USP14: variants seen among roughly 807,000 people sequenced by gnomAD.
USP14 encodes ubiquitin specific peptidase 14.
Under a neutral mutation model 76.5 loss-of-function variants are expected in USP14, and 38 were observed. The observed-to-expected ratio is 0.50, with a 90% CI of 0.38 to 0.65. USP14 has a LOEUF of 0.65. USP14 is among the 30% of genes least tolerant of loss of function. USP14 has a pLI of 0.00. For synonymous variants in USP14, 192 were observed against 191.7 expected (o/e 1.00, Z -0.01); for missense variants, 467 against 586.5 (o/e 0.80, Z 2.10).
At chr18:191,851 A>G (rs998401746) in intron 5 of USP14, among the ~76,000 whole-genome samples, 1 of 152,176 alleles carries the variant, frequency 6.6e-6, no homozygotes, top group Non-Finnish European at 1.5e-5. Context: ...ACATAGTTTA[A>G]TCATAGTGTA....
chr18:160,216 A>G (rs1043622410), intron 1 of USP14, among the ~76,000 whole-genome samples: 5 of 152,106 alleles, frequency 3.3e-5, no homozygotes, highest in Non-Finnish European at 7.4e-5. Context: ...AGGCAGGAGA[A>G]TCGCTTGAAC....
intron 1 of USP14, 139 bp downstream of exon 1, chr18:158,853 G>A: frequency 8.1e-7 from 1 of 1,231,472 alleles, no homozygotes; most frequent in Non-Finnish European, 1.0e-6. Flanking sequence ...GCGCGGAGAT[G>A]ACCCAGGCAC....
At chr18:159,510 T>C (rs1211520185) in intron 1 of USP14, among the ~76,000 whole-genome samples, 1 of 152,184 alleles carries the variant, frequency 6.6e-6, no homozygotes, top group Non-Finnish European at 1.5e-5. Flanking sequence ...GTGTCTCCAA[T>C]TGGCTGTAGG....
chr18:174,219 T>C (rs1909558500), intron 3 of USP14, among the ~76,000 whole-genome samples: 1 of 152,162 alleles, frequency 6.6e-6, no homozygotes, highest in Non-Finnish European at 1.5e-5. Context: ...ATGTTGGGAC[T>C]TACACATATT....
At chr18:171,056 A>ATATATATATATATATATATATAT (rs1568416863) in intron 3 of USP14, among the ~76,000 whole-genome samples, 4 of 139,324 alleles carry the variant, frequency 2.9e-5, no homozygotes, top group East Asian at 4.4e-4. Flanking sequence ...ATATATATAT[A>ATATATATATATATATATATATAT]AACTGAAGCT....
intron 6 of USP14, among the ~76,000 whole-genome samples, chr18:193,602 A>G (rs990162936): frequency 6.6e-6 from 1 of 152,082 alleles, no homozygotes; most frequent in Admixed American, 6.5e-5. Flanking sequence ...CTCCTTTCCC[A>G]TTTCTAGCCC....
chr18:176,947 T>C (rs114442885), intron 3 of USP14, among the ~76,000 whole-genome samples: 2,433 of 152,206 alleles, frequency 0.016, 76 homozygotes, highest in African/African-American at 0.056. Context: ...TTCTTAGCTA[T>C]TATCCTGGGT....
chr18:167,288 A>G (rs1408559832), intron 3 of USP14, among the ~76,000 whole-genome samples: 1 of 152,232 alleles, frequency 6.6e-6, no homozygotes, highest in African/African-American at 2.4e-5. Flanking sequence ...CTCCAAAAAA[A>G]GAGTCTTGAA....
rs1910752342 is a variant in USP14, at chr18:213,917, C to T, written c.*2633C>T. 1 of 152,090 alleles carries T rather than the reference C, an allele frequency of 6.6e-6. No individual in the cohort carries two copies. The highest frequency in any genetic ancestry group is 6.6e-5 in the Admixed American group (1 of 15,254). 9.4% of individuals were successfully genotyped at this position (152,090 alleles called of 1,614,324 possible). ...CTAGAAGGAAAAGTGAGGTTTTAGACTTCATTTCTTTTAAAGTTGGCAAAC... is the reference window on the plus strand; with the variant it reads ...CTAGAAGGAAAAGTGAGGTTTTAGATTTCATTTCTTTTAAAGTTGGCAAAC... On this transcript the variant is annotated 3_prime_UTR_variant, in exon 16 of 16. Coordinates refer to ENST00000261601, the MANE Select transcript of USP14 (RefSeq NM_005151.4).
At chr18:180,950 A>G (rs1394675717) in intron 5 of USP14, among the ~76,000 whole-genome samples, 1 of 150,526 alleles carries the variant, frequency 6.6e-6, no homozygotes, top group Non-Finnish European at 1.5e-5. Flanking sequence ...GTAACACCTC[A>G]TTCCTATTTT....
chr18:201,916 T>C (rs1254406223), intron 10 of USP14, among the ~76,000 whole-genome samples: 1 of 152,246 alleles, frequency 6.6e-6, no homozygotes, highest in Non-Finnish European at 1.5e-5. Flanking sequence ...TTCTGATAAT[T>C]CTTGAGTAAT....
At chr18:197,541 CAG>C (rs1249004308) in intron 7 of USP14, 73 bp from the exon 8 acceptor site, 1 of 1,162,412 alleles carries the variant, frequency 8.6e-7, no homozygotes, top group African/African-American at 1.5e-5. Flanking sequence ...GCCTAGGAGA[CAG>C]TGATTATTTT....
chr18:173,346 C>A (rs557869888), intron 3 of USP14, among the ~76,000 whole-genome samples: 1 of 151,740 alleles, frequency 6.6e-6, no homozygotes, highest in African/African-American at 2.4e-5. Context: ...CTCCTGACCT[C>A]GTGATCAGCC....
intron 5 of USP14, among the ~76,000 whole-genome samples, chr18:184,878 G>A (rs1205935522): frequency 6.6e-6 from 1 of 152,188 alleles, no homozygotes; most frequent in Non-Finnish European, 1.5e-5. Flanking sequence ...TAAGGATCAA[G>A]AACTATAGCC....
intron 5 of USP14, among the ~76,000 whole-genome samples, chr18:187,476 C>T (rs1356623862): frequency 6.6e-6 from 1 of 152,030 alleles, no homozygotes; most frequent in Admixed American, 6.6e-5. Context: ...GGAGTGTCAG[C>T]CTTTGGGATT....
chr18:202,997 C>T, intron 11 of USP14, 52 bp downstream of exon 11: 1 of 1,605,684 alleles, frequency 6.2e-7, no homozygotes, highest in Non-Finnish European at 8.5e-7. Context: ...GAAATATTTC[C>T]AGTTAATTAA....
At position 214,594 on chromosome 18, in the gene USP14, C is replaced by T; in HGVS notation, c.*3310C>T. 6.4e-7 allele frequency: 1 copy of T among 1,553,724 alleles called. No homozygotes were observed. The highest frequency in any genetic ancestry group is 8.7e-7 in the Non-Finnish European group (1 of 1,144,148). ...AATGCTGCTTGGTAACAAAATCTATCACAGTTTTAATAAAAAGAAAAAAAA... is the reference window on the plus strand; with the variant it reads ...AATGCTGCTTGGTAACAAAATCTATTACAGTTTTAATAAAAAGAAAAAAAA... On this transcript the variant is annotated 3_prime_UTR_variant, in exon 16 of 16. Transcript: ENST00000261601.
At chr18:187,309 A>G (rs186831471) in intron 5 of USP14, among the ~76,000 whole-genome samples, 85 of 152,208 alleles carry the variant, frequency 5.6e-4, no homozygotes, top group African/African-American at 1.9e-3. Flanking sequence ...GATTTTCGAT[A>G]TGTGTTTGTA....
rs189936720 is a variant in USP14 at position 171,627 on chromosome 18, G to T, written c.195+4808G>T. Among the ~76,000 whole-genome samples the T allele has an allele frequency of 3.0e-4, 45 of 152,242 alleles. 1 individual carries two copies. Among genetic ancestry groups the T allele is most frequent in the Admixed American group, 1.8e-3 (27 of 15,280 alleles). On this transcript the variant is annotated intron_variant, in intron 3 of 15. Coordinates refer to ENST00000261601, the MANE Select transcript of USP14 (RefSeq NM_005151.4). ...TAAACGAGATGAATGTTGTTTTCCT[G>T]TCTGCTACAACAACTATTCTGCAGC...
Sources: allele counts gnomAD v4.1 joint callset (sites outside exome capture counted in the v4.1 genomes callset), GRCh38; gene constraint gnomAD v4.1.1; transcripts MANE v1.5; gene names NCBI Gene and HGNC (gene_info 2026-07-23, HGNC 2026-07-21).